XKR9: variants seen among roughly 807,000 people sequenced by gnomAD.
XKR9 encodes XK related 9, also known as XK-related protein 9.
XKR9 carries 32 observed loss-of-function variants against 32.0 expected under a neutral mutation model. The observed-to-expected ratio is 1.00, with a 90% CI of 0.76 to 1.34. The LOEUF is 1.34. Ranked by LOEUF, XKR9 falls within the 40% of genes most tolerant of loss-of-function variation. The pLI, the probability that XKR9 is intolerant of heterozygous loss-of-function variation, is 0.00. For missense variants in XKR9, 546 were observed against 429.7 expected, an observed-to-expected ratio of 1.27 and a Z score of -2.39; for synonymous variants, 168 against 143.4, an observed-to-expected ratio of 1.17 and a Z score of -1.22.
downstream of XKR9, among the ~76,000 whole-genome samples, chr8:70,739,779 A>T (rs183204448): frequency 3.1e-4 from 47 of 152,282 alleles, no homozygotes; most frequent in African/African-American, 1.1e-3. Context: ...TTTCTTTCAG[A>T]ATGTTGAATA....
At chr8:70,921,229 G>A in the XKR9 span, among the ~76,000 whole-genome samples, 1 of 152,194 alleles carries the variant, frequency 6.6e-6, no homozygotes, top group Non-Finnish European at 1.5e-5. Context: ...CAAGTTAAAG[G>A]CAAGGAGGCT....
At chr8:70,821,156 T>TGACCA in the XKR9 span, among the ~76,000 whole-genome samples, 2 of 152,200 alleles carry the variant, frequency 1.3e-5, no homozygotes, top group Non-Finnish European at 2.9e-5. Flanking sequence ...TGGGAGAAAT[T>TGACCA]GACCAAAACG....
At chr8:70,915,475 A>C in the XKR9 span, among the ~76,000 whole-genome samples, 50 of 152,290 alleles carry the variant, frequency 3.3e-4, no homozygotes, top group South Asian at 6.2e-4. Flanking sequence ...GATTAAAAGC[A>C]ATATGGGGTC....
chr8:71,053,264 T>C, the XKR9 span, among the ~76,000 whole-genome samples: 1 of 152,182 alleles, frequency 6.6e-6, no homozygotes, highest in African/African-American at 2.4e-5. Flanking sequence ...CCCTCAGACA[T>C]ACTGAGTCAT....
At chr8:70,700,523 G>C (rs1022033640) in intron 3 of XKR9, among the ~76,000 whole-genome samples, 1 of 152,202 alleles carries the variant, frequency 6.6e-6, no homozygotes, top group Non-Finnish European at 1.5e-5. Context: ...AAATGCTGCT[G>C]TCTGATCGTT....
At chr8:71,017,925 A>C in the XKR9 span, among the ~76,000 whole-genome samples, 4 of 152,226 alleles carry the variant, frequency 2.6e-5, no homozygotes, top group African/African-American at 9.6e-5. Flanking sequence ...ATGCATGTTT[A>C]TGATATTGAA....
chr8:70,874,326 G>C, the XKR9 span, among the ~76,000 whole-genome samples: 8 of 152,042 alleles, frequency 5.3e-5, no homozygotes, highest in Non-Finnish European at 7.4e-5. Flanking sequence ...TGCTAATTAT[G>C]TAAGATTTTC....
chr8:70,938,885 C>T, the XKR9 span, among the ~76,000 whole-genome samples: 1 of 151,696 alleles, frequency 6.6e-6, no homozygotes, highest in African/African-American at 2.4e-5. Context: ...ATTCAGCTTC[C>T]AGCTGTAGTG....
At chr8:70,994,899 G>T in the XKR9 span, among the ~76,000 whole-genome samples, 1 of 152,094 alleles carries the variant, frequency 6.6e-6, no homozygotes, top group Admixed American at 6.5e-5. Flanking sequence ...AAAGGTCTTT[G>T]TGTTTCTAGG....
At chr8:70,787,851 T>C (rs543125694) in intron 2 of XKR9, among the ~76,000 whole-genome samples, 1 of 152,106 alleles carries the variant, frequency 6.6e-6, no homozygotes, top group East Asian at 1.9e-4. Flanking sequence ...TGATTTTTAG[T>C]GAAAGGATTA....
At chr8:70,749,394 A>G (rs1338919238) in intron 2 of XKR9, among the ~76,000 whole-genome samples, 1 of 151,038 alleles carries the variant, frequency 6.6e-6, no homozygotes, top group African/African-American at 2.4e-5. Flanking sequence ...ATACTGTAAC[A>G]CCCTCTTTGG....
At chr8:70,907,744 T>C in the XKR9 span, among the ~76,000 whole-genome samples, 2 of 152,254 alleles carry the variant, frequency 1.3e-5, no homozygotes, top group Non-Finnish European at 2.9e-5. Context: ...TATTCTGTTT[T>C]GATCTTTATC....
At chr8:70,947,950 C>A in the XKR9 span, among the ~76,000 whole-genome samples, 3 of 152,140 alleles carry the variant, frequency 2.0e-5, no homozygotes, top group South Asian at 4.1e-4. Context: ...CATGTGTCTG[C>A]TAAAGAGCAT....
At chr8:70,829,472 G>T in the XKR9 span, among the ~76,000 whole-genome samples, 3 of 152,082 alleles carry the variant, frequency 2.0e-5, no homozygotes, top group South Asian at 4.2e-4. Flanking sequence ...TTGTTGAGAC[G>T]GAGTCTCGCC....
the XKR9 span, among the ~76,000 whole-genome samples, chr8:70,902,085 A>G: frequency 5.3e-5 from 8 of 152,250 alleles, no homozygotes; most frequent in South Asian, 2.1e-4. Flanking sequence ...GTCAGGTAGC[A>G]TGATACCTCC....
intron 4 of XKR9, among the ~76,000 whole-genome samples, chr8:70,716,152 T>C (rs1042690284): frequency 1.3e-5 from 2 of 152,062 alleles, no homozygotes; most frequent in African/African-American, 4.8e-5. Flanking sequence ...TAGAGGAGTT[T>C]TATTAATTAA....
At chr8:70,888,697 T>C in the XKR9 span, among the ~76,000 whole-genome samples, 1 of 152,072 alleles carries the variant, frequency 6.6e-6, no homozygotes, top group Admixed American at 6.6e-5. Flanking sequence ...CCAGCACTAT[T>C]TTTTGAAGAG....
intron 2 of XKR9, among the ~76,000 whole-genome samples, chr8:70,777,944 G>T (rs1309498274): frequency 6.6e-6 from 1 of 152,116 alleles, no homozygotes; most frequent in Admixed American, 6.5e-5. Flanking sequence ...CTGTGCAGAA[G>T]CTCTTTAGTT....
intron 2 of XKR9, among the ~76,000 whole-genome samples, chr8:70,754,212 G>A (rs1396188082): frequency 6.8e-6 from 1 of 148,062 alleles, no homozygotes; most frequent in Non-Finnish European, 1.5e-5. Flanking sequence ...TACAAGGGAT[G>A]TGAAGGATCT....
Sources: gnomAD v4.1 joint callset for allele counts (sites outside exome capture counted in the v4.1 genomes callset) on GRCh38, gnomAD v4.1.1 for gene constraint, MANE v1.5 for transcripts, NCBI Gene and HGNC (gene_info 2026-07-23, HGNC 2026-07-21) for gene names.